GCFC2: variants seen among roughly 807,000 people sequenced by gnomAD.
GCFC2 encodes the protein GC-rich sequence DNA-binding factor 2, also known as intron Large complex component GCFC2.
A neutral mutation model predicts 99.4 loss-of-function variants in GCFC2; 102 were observed. The observed-to-expected ratio is 1.03, with a 90% CI of 0.87 to 1.21. The LOEUF (loss-of-function observed/expected upper bound fraction) is 1.21. Among genes scored for constraint, GCFC2 ranks in the 50% most tolerant of loss-of-function variants. The pLI is 0.00. For missense variants in GCFC2, 973 were observed against 920.9 expected, an observed-to-expected ratio of 1.06 and a Z score of -0.73; for synonymous variants, 338 against 316.8, an observed-to-expected ratio of 1.07 and a Z score of -0.71.
intron 9 of GCFC2, 58 bp downstream of exon 9, chr2:75,689,911 A>G: frequency 1.2e-6 from 1 of 867,746 alleles, no homozygotes; most frequent in Non-Finnish European, 1.9e-6. Context: ...ATCCCAGCAA[A>G]GTGTTTCTCA....
intron 5 of GCFC2, among the ~76,000 whole-genome samples, chr2:75,695,016 T>A (rs1432753298): frequency 2.0e-5 from 3 of 152,054 alleles, no homozygotes; most frequent in African/African-American, 7.2e-5. Flanking sequence ...ATGGTCTTTT[T>A]AAAATAAAAA....
chr2:75,680,269 G>T lies in GCFC2; in HGVS notation c.1736C>A (p.Thr579Lys). Residue 579 changes from threonine to lysine, a missense_variant, in exon 12 of 17, where the codon ACA (threonine) becomes AAA (lysine). Physicochemically the swap from Thr to Lys is moderately conservative, Grantham distance 78. Transcript: ENST00000321027. ...CACTCTGCAATGTGTTATTAAACTTGTTGTCTGTGAGGTTGACAAAGGATC... is the reference window on the plus strand; with the variant it reads ...CACTCTGCAATGTGTTATTAAACTTTTTGTCTGTGAGGTTGACAAAGGATC... ...LWDPLSTSQT[T>K]SLITHCRVIL... 6.2e-7 allele frequency: 1 copy of T among 1,607,298 alleles called. No homozygotes were observed. Among genetic ancestry groups the T allele is most frequent in the Non-Finnish European group, 8.5e-7 (1 of 1,174,112 alleles).
intron 15 of GCFC2, among the ~76,000 whole-genome samples, chr2:75,669,584 A>G (rs1445000662): frequency 1.3e-5 from 2 of 152,170 alleles, no homozygotes; most frequent in Admixed American, 1.3e-4. Flanking sequence ...GTGAGAGGTG[A>G]GGACTTAACA....
chr2:75,687,705 A>T, intron 11 of GCFC2, 122 bp downstream of exon 11: 1 of 793,548 alleles, frequency 1.3e-6, no homozygotes, highest in Non-Finnish European at 2.0e-6. Context: ...GATTTTTACT[A>T]CATATAACAT....
chr2:75,690,042 AC>A lies in GCFC2; in HGVS notation c.1265del (p.Cys422LeufsTer18). On this transcript the variant is annotated frameshift_variant, in exon 9 of 17. Coordinates refer to ENST00000321027, the MANE Select transcript of GCFC2 (RefSeq NM_003203.5). LOFTEE classifies it high-confidence loss of function. The part of the protein sequence containing the change: ...RRQARVLSGN[C>X]NHQEGTSSDD... ...CACTAGATGTTCCTTCCTGATGGTT[AC>A]AATTCCCAGAAAGCACCCTTGCTTG... The A allele has an allele frequency of 1.2e-6, 2 of 1,608,626 alleles. No individual in the cohort carries two copies. The highest frequency in any genetic ancestry group is 1.7e-6 in the Non-Finnish European group (2 of 1,176,994).
intron 11 of GCFC2, among the ~76,000 whole-genome samples, chr2:75,683,750 A>T (rs1573060205): frequency 7.3e-6 from 1 of 136,934 alleles, no homozygotes; most frequent in East Asian, 2.2e-4. Flanking sequence ...ATGGAGGAAT[A>T]TTTACCAAGT....
chr2:75,701,321 G>C, intron 3 of GCFC2, 34 bp from the exon 4 acceptor site: 1 of 1,285,110 alleles, frequency 7.8e-7, no homozygotes, highest in Non-Finnish European at 1.1e-6. Context: ...TAAACGTTTA[G>C]TATTTTTCCA....
At chr2:75,666,786 A>G (rs191952629) in intron 15 of GCFC2, among the ~76,000 whole-genome samples, 72 of 152,096 alleles carry the variant, frequency 4.7e-4, no homozygotes, top group African/African-American at 1.6e-3. Flanking sequence ...AAGGAAAAAA[A>G]CTTGATATTG....
At position 75,710,685 on chromosome 2, in the gene GCFC2, C is replaced by T. The variant is rs1435557865; in HGVS notation, c.171G>A (p.Leu57=). 2 of 1,525,336 alleles carry T rather than the reference C, an allele frequency of 1.3e-6. No individual in the cohort carries two copies. Among genetic ancestry groups the T allele is most frequent in the Non-Finnish European group, 8.8e-7 (1 of 1,141,712 alleles). The allele number at this position is 1,525,336 out of a possible 1,614,324, so 94.5% of individuals were successfully genotyped here. ...CACGAGGGCCCCGAACCCGGTGGGG[C>T]AGTCCCGCCACCTGCGCGCGGCCTC... ...SGGGRAQVAG[L]PHRVRGPRGR... The change falls in exon 1 of 17, where the codon CTG becomes CTA. Residue 57 remains leucine (L), a synonymous_variant. Transcript: ENST00000321027.
intron 1 of GCFC2, 193 bp downstream of exon 1, chr2:75,710,398 G>C (rs1423413392): frequency 7.6e-7 from 1 of 1,315,094 alleles, no homozygotes; most frequent in Admixed American, 3.8e-5. Flanking sequence ...CCAAAAGGCA[G>C]ATGCAGATAG....
intron 13 of GCFC2, among the ~76,000 whole-genome samples, chr2:75,672,920 G>A (rs1679167270): frequency 6.6e-6 from 1 of 152,160 alleles, no homozygotes; most frequent in East Asian, 1.9e-4. Context: ...ATTCATCTAA[G>A]CGCCAAGATA....
intron 12 of GCFC2, chr2:75,679,716 G>A: frequency 2.5e-6 from 1 of 398,506 alleles, no homozygotes; most frequent in Non-Finnish European, 4.4e-6. Context: ...GAGTATTGTT[G>A]TCTTCCTTTA....
chr2:75,678,976 G>A (rs146751836), intron 12 of GCFC2, among the ~76,000 whole-genome samples: 104 of 152,264 alleles, frequency 6.8e-4, no homozygotes, highest in African/African-American at 2.4e-3. Flanking sequence ...ATATACAGGC[G>A]TGATCTGCCA....
chr2:75,665,778 C>T (rs1238934935), intron 16 of GCFC2, 151 bp downstream of exon 16: 9 of 479,894 alleles, frequency 1.9e-5, no homozygotes, highest in African/African-American at 4.0e-5. Context: ...ATAAGCCATC[C>T]CAAAGGTAAC....
intron 11 of GCFC2, among the ~76,000 whole-genome samples, chr2:75,684,461 TGG>T (rs1558739160): frequency 6.6e-6 from 1 of 152,208 alleles, no homozygotes; most frequent in African/African-American, 2.4e-5. Context: ...CCAGAATCCC[TGG>T]GACACATTTA....
chr2:75,687,785 GT>G, intron 11 of GCFC2, 41 bp downstream of exon 11: 1 of 1,495,044 alleles, frequency 6.7e-7, no homozygotes, highest in South Asian at 1.2e-5. Context: ...TATATACTCT[GT>G]CAGAAAATAA....
chr2:75,689,171 C>T lies in GCFC2; in HGVS notation c.1394G>A (p.Cys465Tyr). Residue 465 changes from cysteine to tyrosine, a missense_variant, in exon 10 of 17, where the codon TGT becomes TAT. Cys to Tyr is a radical substitution (Grantham distance 194). Transcript: ENST00000321027. ...TTTCAACAAAATATTCTGGATGTTA[C>T]AAAAATCATCTTGCACTTCTTCAAA... ...KVFEEVQDDFCNIQNILLKFQ... is the reference protein window; with the variant it reads ...KVFEEVQDDFYNIQNILLKFQ... 6.2e-7 allele frequency: 1 copy of T among 1,605,154 alleles called. No individual in the cohort carries two copies. The highest frequency in any genetic ancestry group is 1.1e-5 in the South Asian group (1 of 89,748).
At chr2:75,704,013 AAAG>A (rs1680724525) in intron 2 of GCFC2, among the ~76,000 whole-genome samples, 1 of 152,238 alleles carries the variant, frequency 6.6e-6, no homozygotes, top group African/African-American at 2.4e-5. Flanking sequence ...AAGTAAAAAT[AAAG>A]AAGTAAAAAA....
At position 75,706,528 on chromosome 2, in the gene GCFC2, G is replaced by T; in HGVS notation, c.389C>A (p.Ser130Ter). The change falls in exon 2 of 17, where the codon TCA becomes TAA. Residue 130 changes from serine to a stop codon, truncating the protein, a stop_gained. Transcript: ENST00000321027. LOFTEE classifies it high-confidence loss of function. ...AAATCATACAAATTACTAACCTGTTGATGAAAGTTCTTTTTCTCCAAGAGA... is the reference window on the plus strand; with the variant it reads ...AAATCATACAAATTACTAACCTGTTTATGAAAGTTCTTTTTCTCCAAGAGA... Reference protein sequence around the residue: ...SSSLGEKELSSTVKIPDAAFI... With the variant: ...SSSLGEKELS 1 of 1,585,436 alleles carries T rather than the reference G, an allele frequency of 6.3e-7. No individual in the cohort carries two copies.
Sources: allele counts gnomAD v4.1 joint callset (sites outside exome capture counted in the v4.1 genomes callset), GRCh38; gene constraint gnomAD v4.1.1; transcripts MANE v1.5; gene names NCBI Gene and HGNC (gene_info 2026-07-23, HGNC 2026-07-21).